The following CRYBG1 variants were observed in gnomAD, a reference collection of about 807,000 sequenced individuals.
CRYBG1 encodes crystallin beta-gamma domain containing 1, also known as beta/gamma crystallin domain-containing protein 1.
In CRYBG1, 139 loss-of-function variants were observed where a neutral mutation model predicts 189.2. That is an observed-to-expected ratio of 0.73 (90% CI 0.64 to 0.85). The LOEUF (loss-of-function observed/expected upper bound fraction) is 0.85, where lower values mean the gene tolerates loss of function less well. CRYBG1 is among the 40% of genes least tolerant of loss of function. CRYBG1 has a pLI of 0.00. For missense variants in CRYBG1, 2,611 were observed against 2,675.8 expected (o/e 0.98, Z 0.53); for synonymous variants, 1,023 against 1,017.1 (o/e 1.01, Z -0.11).
intron 4 of CRYBG1, among the ~76,000 whole-genome samples, chr6:106,524,005 T>A (rs189424827): frequency 6.6e-6 from 1 of 152,252 alleles, no homozygotes; most frequent in Admixed American, 6.5e-5. Context: ...GTGCTGGGAT[T>A]ACAGGTGTGA....
intron 2 of CRYBG1, among the ~76,000 whole-genome samples, chr6:106,504,190 G>C (rs547824558): frequency 6.6e-6 from 1 of 152,106 alleles, no homozygotes; most frequent in South Asian, 2.1e-4. Flanking sequence ...AAGCAGCATG[G>C]GGCAAGCAGA....
chr6:106,361,957 A>C (rs9399983), intron 1 of CRYBG1, among the ~76,000 whole-genome samples: 79,660 of 124,184 alleles, frequency 0.64, 25,222 homozygotes, highest in African/African-American at 0.72. Context: ...TTTTCCTTTT[A>C]TTTCTTTCTT....
intron 2 of CRYBG1, among the ~76,000 whole-genome samples, chr6:106,458,739 A>G (rs989485676): frequency 3.3e-5 from 5 of 152,200 alleles, no homozygotes; most frequent in African/African-American, 1.2e-4. Flanking sequence ...TGCGTGCAGC[A>G]GAAAGAGAAT....
chr6:106,494,141 T>C (rs1262077416), intron 2 of CRYBG1, among the ~76,000 whole-genome samples: 1 of 151,934 alleles, frequency 6.6e-6, no homozygotes, highest in Non-Finnish European at 1.5e-5. Context: ...AAAACAAATG[T>C]ATGATTCCAT....
chr6:106,477,895 G>A (rs771679347), intron 2 of CRYBG1, among the ~76,000 whole-genome samples: 9 of 152,242 alleles, frequency 5.9e-5, no homozygotes, highest in Non-Finnish European at 1.0e-4. Flanking sequence ...TCTGGAGCAC[G>A]GAGCTGTGAC....
At chr6:106,422,344 A>ATTTATTTATTTATTTTTTTTT (rs57640822) in intron 1 of CRYBG1, among the ~76,000 whole-genome samples, 50 of 139,982 alleles carry the variant, frequency 3.6e-4, no homozygotes, top group South Asian at 1.2e-3. Context: ...TTATTTATTT[A>ATTTATTTATTTATTTTTTTTT]TTTTTGAGAC....
chr6:106,515,128 C>T (rs1773387734), intron 3 of CRYBG1, among the ~76,000 whole-genome samples: 1 of 152,198 alleles, frequency 6.6e-6, no homozygotes, highest in Non-Finnish European at 1.5e-5. Context: ...AAAATTATTA[C>T]TTCAAGTTCT....
intron 2 of CRYBG1, among the ~76,000 whole-genome samples, chr6:106,484,207 A>AT (rs1772546285): frequency 6.6e-6 from 1 of 152,182 alleles, no homozygotes; most frequent in Admixed American, 6.5e-5. Flanking sequence ...TTTATGTGTC[A>AT]TTTTTTATGC....
Position 106,520,411 on chromosome 6 carries a change from C to A in CRYBG1, c.3203C>A (p.Ala1068Asp), listed in dbSNP as rs144739119. Reference protein sequence around the residue: ...TNSPSSGNHLATPQRPDQTVT... With the variant: ...TNSPSSGNHLDTPQRPDQTVT... ...TCTCCCAGCAGCGGAAATCACTTAG[C>A]CACTCCTCAAAGGCCAGATCAGACT... Residue 1068 changes from alanine (A) to aspartate (D), a missense_variant, in exon 4 of 22, where the codon GCC (alanine) becomes GAC (aspartate). Coordinates refer to ENST00000633556, the MANE Select transcript of CRYBG1 (RefSeq NM_001371242.2). 6.2e-7 allele frequency: 1 copy of A among 1,614,150 alleles called. No individual in the cohort carries two copies. Among genetic ancestry groups the A allele is most frequent in the Non-Finnish European group, 8.5e-7 (1 of 1,180,012 alleles).
At chr6:106,460,269 G>C (rs1163094120) in intron 2 of CRYBG1, among the ~76,000 whole-genome samples, 1 of 151,952 alleles carries the variant, frequency 6.6e-6, no homozygotes, top group Non-Finnish European at 1.5e-5. Context: ...GGGATTACAG[G>C]CGTGAGCCAC....
chr6:106,464,902 A>C (rs947504528), intron 2 of CRYBG1, among the ~76,000 whole-genome samples: 20 of 152,374 alleles, frequency 1.3e-4, no homozygotes, highest in African/African-American at 4.3e-4. Flanking sequence ...TGCATCATAA[A>C]AATAAAAAAT....
At chr6:106,551,457 G>C (rs140575495) in intron 13 of CRYBG1, among the ~76,000 whole-genome samples, 1 of 152,282 alleles carries the variant, frequency 6.6e-6, no homozygotes, top group East Asian at 1.9e-4. Flanking sequence ...TTGATATTGT[G>C]AATAGTGTGG....
rs368874479 is a variant in CRYBG1 at position 106,520,887 on chromosome 6, G to A, written c.3679G>A (p.Val1227Ile). 522 of 1,614,154 alleles carry A rather than the reference G, an allele frequency of 3.2e-4. 8 individuals are homozygous for A. In the South Asian group the frequency reaches 5.1e-3, roughly 16 times the overall value. Reference protein sequence around the residue: ...PEINDKENRDVTNGGIKRSRL... With the variant: ...PEINDKENRDITNGGIKRSRL... ...AATCAATGACAAAGAGAACAGGGACGTCACAAATGGTGGCATTAAGAGATC... is the reference window on the plus strand; with the variant it reads ...AATCAATGACAAAGAGAACAGGGACATCACAAATGGTGGCATTAAGAGATC... Residue 1227 changes from valine (V) to isoleucine (I), a missense_variant, in exon 4 of 22, where the codon GTC becomes ATC. This residue lies in a region of CRYBG1 where 1,622 missense variants were observed against 1,735.0 expected (regional missense o/e 0.93). Transcript: ENST00000633556.
At position 106,512,739 on chromosome 6, in the gene CRYBG1, C is replaced by T; in HGVS notation, c.1622C>T (p.Pro541Leu). ...SGPRAPAKES[P>L]PKRVPDPSPV... ...CCCCGGGCTCCCGCCAAGGAGTCCC[C>T]ACCCAAGAGGGTGCCCGATCCCAGC... The change falls in exon 3 of 22, where the codon CCA (proline) becomes CTA (leucine). Residue 541 changes from proline (P) to leucine (L), a missense_variant. By Grantham distance (98) the Pro-to-Leu change is moderately conservative. Coordinates refer to ENST00000633556, the MANE Select transcript of CRYBG1 (RefSeq NM_001371242.2). 6.4e-7 allele frequency: 1 copy of T among 1,567,836 alleles called. No individual in the cohort carries two copies. The highest frequency in any genetic ancestry group is 8.6e-7 in the Non-Finnish European group (1 of 1,156,908).
chr6:106,520,756 CA>C lies in CRYBG1; in HGVS notation c.3552del (p.Lys1184AsnfsTer4). 1 of 1,614,168 alleles carries C rather than the reference CA, an allele frequency of 6.2e-7. No individual in the cohort carries two copies. On this transcript the variant is annotated frameshift_variant, in exon 4 of 22. Coordinates refer to ENST00000633556, the MANE Select transcript of CRYBG1 (RefSeq NM_001371242.2). LOFTEE classifies it high-confidence loss of function. ...PALHLMQNLD[T>X]KSKLRPKRAS... ...TTACATTTGATGCAGAACCTTGACA[CA>C]AAATCCAAACTGAGACCCAAACGTG...
At chr6:106,549,385 G>T (rs550363594) in intron 13 of CRYBG1, among the ~76,000 whole-genome samples, 1 of 152,304 alleles carries the variant, frequency 6.6e-6, no homozygotes, top group East Asian at 1.9e-4. Context: ...TTATCTGAAA[G>T]TTAATGTCAT....
Position 106,551,976 on chromosome 6 carries a change from T to C in CRYBG1, c.5437T>C (p.Leu1813=), listed in dbSNP as rs143258009. Residue 1813 remains leucine, a splice_region_variant and synonymous_variant, in exon 14 of 22, where the codon TTG becomes CTG. Transcript: ENST00000633556. ...CKISSVQPIC[L]DSFTGPRRRN... ...GATCTCTTCTGTTCAACCTATATGT[T>C]TGGTAAGGAGTTATATTTTTGTATG... The C allele has an allele frequency of 4.8e-4, 761 of 1,598,858 alleles. No individual in the cohort carries two copies. The highest frequency in any genetic ancestry group is 5.9e-4 in the Non-Finnish European group (698 of 1,173,902).
intron 16 of CRYBG1, 23 bp from the exon 17 acceptor site, chr6:106,555,745 G>A: frequency 1.2e-6 from 2 of 1,613,824 alleles, no homozygotes; most frequent in Non-Finnish European, 1.7e-6. Flanking sequence ...TTCTGTGCAT[G>A]TGTGTGGTTT....
intron 2 of CRYBG1, 68 bp from the exon 3 acceptor site, chr6:106,511,362 T>TA: frequency 7.3e-7 from 1 of 1,368,684 alleles, no homozygotes; most frequent in South Asian, 1.5e-5. Context: ...GGTGGTTCTG[T>TA]AATGTACGTC....
Sources: gnomAD v4.1 joint callset for allele counts (sites outside exome capture counted in the v4.1 genomes callset) on GRCh38, gnomAD v4.1.1 for gene constraint, gnomAD v4.1.1 regional missense constraint, MANE v1.5 for transcripts, NCBI Gene and HGNC (gene_info 2026-07-23, HGNC 2026-07-21) for gene names.